GAK: variants seen among roughly 807,000 people sequenced by gnomAD.
GAK encodes the protein cyclin-G-associated kinase.
In GAK, 79 loss-of-function variants were observed where a neutral mutation model predicts 143.9. That is an observed-to-expected ratio of 0.55 (90% CI 0.46 to 0.66). GAK has a LOEUF of 0.66. GAK is among the 30% of genes least tolerant of loss of function. GAK has a pLI of 0.00. For synonymous variants in GAK, 881 were observed against 765.5 expected, an observed-to-expected ratio of 1.15 and a Z score of -2.49; for missense variants, 1,693 against 1,779.7, an observed-to-expected ratio of 0.95 and a Z score of 0.88.
rs1391223292 is a variant in GAK at position 894,099 on chromosome 4, C to A, written c.742-90G>T. 5 of 1,384,574 alleles carry A rather than the reference C, an allele frequency of 3.6e-6. No individual in the cohort carries two copies. In the East Asian group the frequency reaches 1.4e-4, roughly 38 times the overall value. The allele number at this position is 1,384,574 out of a possible 1,614,324, so 85.8% of individuals were successfully genotyped here. ...GGGGAGAGCAGGGGTGATGCCCAGG[C>A]CCACGGGGAATGCAGGGGTGACATC... On this transcript the variant is annotated intron_variant, in intron 7 of 27. Transcript: ENST00000314167.
At chr4:888,617 C>A (rs893606962) in intron 11 of GAK, 12 of 549,838 alleles carry the variant, frequency 2.2e-5, no homozygotes, top group African/African-American at 1.9e-4. Flanking sequence ...GGCATCTCCT[C>A]AGCAGGGCCT....
intron 22 of GAK, 121 bp from the exon 23 acceptor site, chr4:865,365 G>A (rs1750986698): frequency 8.0e-7 from 1 of 1,255,722 alleles, no homozygotes; most frequent in African/African-American, 1.5e-5. Context: ...AGGCTGAGCT[G>A]AGGCTGGGCT....
At chr4:909,342 G>A (rs1489613780) in intron 4 of GAK, among the ~76,000 whole-genome samples, 2 of 152,262 alleles carry the variant, frequency 1.3e-5, no homozygotes, top group African/African-American at 4.8e-5. Flanking sequence ...AGAGTCCAGG[G>A]ACATCCAGAG....
intron 15 of GAK, among the ~76,000 whole-genome samples, chr4:878,330 A>G (rs1714410436): frequency 1.3e-5 from 2 of 151,388 alleles, no homozygotes; most frequent in African/African-American, 4.8e-5. Flanking sequence ...GTGGAGATTT[A>G]GAGAGTTTTC....
In GAK at chr4:932,174, T is replaced by C. The variant is rs1470816411; in HGVS notation, c.14A>G (p.Gln5Arg). 2 of 1,564,976 alleles carry C rather than the reference T, an allele frequency of 1.3e-6. No individual in the cohort carries two copies. Among genetic ancestry groups the C allele is most frequent in the Non-Finnish European group, 1.7e-6 (2 of 1,158,736 alleles). The change falls in exon 1 of 28, where the codon CAG (glutamine) becomes CGG (arginine). Residue 5 changes from glutamine (Q) to arginine (R), a missense_variant. Coordinates refer to ENST00000314167, the MANE Select transcript of GAK (RefSeq NM_005255.4). The surrounding 1 kb of genome is among the most constrained non-coding windows in gnomAD (Gnocchi z 4.0). ...ACCCGCCAAGAAGTCGAGCGCCGAC[T>C]GCAGCAGCGACATGGCGGTGGCTGC... MSLL[Q>R]SALDFLAGPG...
Position 920,539 on chromosome 4 carries a change from A to AT in GAK, c.146-6872dup, listed in dbSNP as rs34176109. Among the ~76,000 whole-genome samples, 221 of 129,536 alleles carry AT rather than the reference A, an allele frequency of 1.7e-3. 1 individual carries two copies. In the Middle Eastern group the frequency reaches 0.017, roughly 10 times the overall value. The allele number at this position is 129,536 out of a possible 152,430, so 85.0% of individuals were successfully genotyped here. A position where few individuals can be genotyped will look rare whatever the true frequency, so the allele number is the denominator to read the frequency against. ...AAAATTGTGAAAAAGGTTTAGAGCC[A>AT]TTTTTTTTTTTTTTTTTTTTTTGAG... On this transcript the variant is annotated intron_variant, in intron 1 of 27. Coordinates refer to ENST00000314167, the MANE Select transcript of GAK (RefSeq NM_005255.4).
intron 23 of GAK, among the ~76,000 whole-genome samples, chr4:860,108 T>C (rs1483377169): frequency 6.6e-6 from 1 of 152,104 alleles, no homozygotes; most frequent in African/African-American, 2.4e-5. Flanking sequence ...CTGGGCAACA[T>C]AGAAATACCC....
At position 870,891 on chromosome 4, in the gene GAK, C is replaced by T. The variant is rs140022645; in HGVS notation, c.2068G>A (p.Ala690Thr). Residue 690 changes from alanine (A) to threonine (T), a missense_variant, in exon 19 of 28, where the codon GCG (alanine) becomes ACG (threonine). Transcript: ENST00000314167. ...GGGTATTTTTCTTGAATGTCACACG[C>T]GTCCAGGTCATACCTGCGGTTACAA... ...TVKFAKYDLD[A>T]CDIQEKYPDL... 32 of 1,613,072 alleles carry T rather than the reference C, an allele frequency of 2.0e-5. No homozygotes were observed. Among genetic ancestry groups the T allele is most frequent in the African/African-American group, 6.7e-5 (5 of 74,996 alleles).
At position 870,711 on chromosome 4, in the gene GAK, C is replaced by T; in HGVS notation, c.2248G>A (p.Gly750Arg). Residue 750 changes from glycine to arginine, a missense_variant and splice_region_variant, in exon 19 of 28, where the codon GGG becomes AGG. Around this residue, in one of 2 missense-constraint regions of GAK, gnomAD observed 822 missense variants for 788.7 expected, o/e 1.04. Transcript: ENST00000314167. ...ACCTAATTCACCTGCGGGATCTTAC[C>T]AAACTTAGACAGAATGTCTTGCTGC... ...EEQQDILSKFGKPELPRQPGS... is the reference protein window; with the variant it reads ...EEQQDILSKFRKPELPRQPGS... The T allele has an allele frequency of 6.2e-7, 1 of 1,613,496 alleles. No homozygotes were observed. Among genetic ancestry groups the T allele is most frequent in the Non-Finnish European group, 8.5e-7 (1 of 1,179,838 alleles).
intron 20 of GAK, 22 bp downstream of exon 20, chr4:868,517 C>T: frequency 1.3e-6 from 2 of 1,597,488 alleles, no homozygotes; most frequent in Non-Finnish European, 1.7e-6. Context: ...TGCAAGTGGC[C>T]AGGTCCAGGG....
At chr4:929,023 A>G (rs1375365310) in intron 1 of GAK, among the ~76,000 whole-genome samples, 2 of 152,204 alleles carry the variant, frequency 1.3e-5, no homozygotes, top group Admixed American at 6.5e-5. Context: ...CGGCCTCCCA[A>G]AGTGCTGGGA....
chr4:926,363 C>G (rs921417099), intron 1 of GAK, among the ~76,000 whole-genome samples: 2 of 152,220 alleles, frequency 1.3e-5, no homozygotes, highest in African/African-American at 4.8e-5. Context: ...GCTCAGACAT[C>G]TCCTCCAGGG....
chr4:914,378 A>T (rs1439228342), intron 1 of GAK, among the ~76,000 whole-genome samples: 4 of 86,040 alleles, frequency 4.6e-5, no homozygotes, highest in Non-Finnish European at 8.8e-5. Context: ...CCCCACACAC[A>T]CAGCCCCAGC....
intron 1 of GAK, among the ~76,000 whole-genome samples, chr4:931,302 C>G (rs1407596766): frequency 6.6e-6 from 1 of 152,192 alleles, no homozygotes; most frequent in Non-Finnish European, 1.5e-5. Context: ...ACCACTGGCT[C>G]TGCTTCCTGT....
chr4:892,317 G>C (rs936891002), intron 9 of GAK, among the ~76,000 whole-genome samples: 1 of 152,122 alleles, frequency 6.6e-6, no homozygotes, highest in East Asian at 1.9e-4. Flanking sequence ...CTTGGACACA[G>C]ACCCCTGCGA....
intron 24 of GAK, among the ~76,000 whole-genome samples, chr4:856,596 TCA>T (rs1749303332): frequency 8.0e-6 from 1 of 125,756 alleles, no homozygotes; most frequent in Middle Eastern, 5.5e-3. Context: ...CCACAGGTGC[TCA>T]CAGCTGCTCA....
At chr4:863,762 C>T (rs1005944380) in intron 23 of GAK, among the ~76,000 whole-genome samples, 24 of 152,238 alleles carry the variant, frequency 1.6e-4, no homozygotes, top group African/African-American at 5.5e-4. Flanking sequence ...TGGTGGCTCA[C>T]GCCTGTAATC....
chr4:854,955 G>A (rs141085685), intron 24 of GAK, among the ~76,000 whole-genome samples: 1 of 152,222 alleles, frequency 6.6e-6, no homozygotes, highest in South Asian at 2.1e-4. Context: ...TGAGGCAGGA[G>A]AATGGCGTGA....
chr4:873,407 C>T (rs1348985315), intron 18 of GAK, among the ~76,000 whole-genome samples: 1 of 152,118 alleles, frequency 6.6e-6, no homozygotes, highest in South Asian at 2.1e-4. Context: ...ACGTGGAGTC[C>T]ACTTTAATAA....
Sources: allele counts gnomAD v4.1 joint callset (sites outside exome capture counted in the v4.1 genomes callset), GRCh38; gene constraint gnomAD v4.1.1; regional missense constraint gnomAD v4.1.1; non-coding constraint Gnocchi (gnomAD v3.1); transcripts MANE v1.5; gene names NCBI Gene and HGNC (gene_info 2026-07-23, HGNC 2026-07-21).